Variants in SLX4IP observed in about 807,000 individuals in gnomAD.
The protein encoded by SLX4IP is protein SLX4IP.
Under a neutral mutation model 32.9 loss-of-function variants are expected in SLX4IP, and 34 were observed. That is an observed-to-expected ratio of 1.03 (90% confidence interval 0.79 to 1.38). The LOEUF (loss-of-function observed/expected upper bound fraction) is 1.38, where lower values mean the gene tolerates loss of function less well. Among genes scored for constraint, SLX4IP ranks in the 40% most tolerant of loss-of-function variants. SLX4IP has a pLI of 0.00. For synonymous variants in SLX4IP, 172 were observed against 171.7 expected (o/e 1.00, Z -0.01); for missense variants, 444 against 479.0 (o/e 0.93, Z 0.68).
intron 4 of SLX4IP, among the ~76,000 whole-genome samples, chr20:10,598,235 A>G (rs2066796768): frequency 6.6e-6 from 1 of 152,176 alleles, no homozygotes; most frequent in African/African-American, 2.4e-5. Flanking sequence ...GCCTCTCAAG[A>G]GAAGCCCTCT....
At chr20:10,593,530 T>C (rs747041268) in intron 4 of SLX4IP, among the ~76,000 whole-genome samples, 4 of 151,320 alleles carry the variant, frequency 2.6e-5, no homozygotes, top group Non-Finnish European at 4.4e-5. Context: ...AGCCCAGGAG[T>C]TCAAGACTAA....
At chr20:10,581,865 T>A (rs1001101409) in intron 4 of SLX4IP, among the ~76,000 whole-genome samples, 5 of 152,132 alleles carry the variant, frequency 3.3e-5, no homozygotes, top group Non-Finnish European at 4.4e-5. Context: ...GATGCTGCAG[T>A]GAGCTATGAT....
intron 4 of SLX4IP, among the ~76,000 whole-genome samples, chr20:10,567,754 A>G (rs613394): frequency 0.55 from 83,790 of 152,062 alleles, 23,553 homozygotes; most frequent in South Asian, 0.72. Flanking sequence ...GTGAATCAGT[A>G]TATATTTGTT....
chr20:10,622,324 A>G (rs1371955875), intron 7 of SLX4IP, among the ~76,000 whole-genome samples: 2 of 152,232 alleles, frequency 1.3e-5, no homozygotes, highest in African/African-American at 4.8e-5. Context: ...CTCCTGGAAA[A>G]AAAAAATCAG....
At chr20:10,586,994 A>T (rs2066653637) in intron 4 of SLX4IP, among the ~76,000 whole-genome samples, 1 of 152,128 alleles carries the variant, frequency 6.6e-6, no homozygotes, top group Non-Finnish European at 1.5e-5. Flanking sequence ...GTACTTGAAT[A>T]AATGTTAACA....
chr20:10,582,294 T>G (rs1032831535), intron 4 of SLX4IP, among the ~76,000 whole-genome samples: 1 of 152,144 alleles, frequency 6.6e-6, no homozygotes, highest in African/African-American at 2.4e-5. Flanking sequence ...GTCAGTCTGT[T>G]TGTTTCCTAC....
intron 2 of SLX4IP, among the ~76,000 whole-genome samples, chr20:10,501,737 TC>T (rs200168390): frequency 6.9e-6 from 1 of 144,502 alleles, no homozygotes; most frequent in Non-Finnish European, 1.6e-5. Flanking sequence ...CTTAAAGCAG[TC>T]TGGTGGTGAA....
Position 10,568,134 on chromosome 20 carries a change from G to A in SLX4IP, c.238+7314G>A, listed in dbSNP as rs141570551. Among the ~76,000 whole-genome samples the A allele has an allele frequency of 6.8e-3, 1,040 of 152,290 alleles. 10 individuals are homozygous for A. Among genetic ancestry groups the A allele is most frequent in the Non-Finnish European group, 6.4e-3 (436 of 68,026 alleles). The stretch of plus-strand genomic sequence containing the variant: ...ATTGTACATTCAGAAACTGTATTTT[G>A]AAAGGCTTTATCTGTCACCATCTGA... On this transcript the variant is annotated intron_variant, in intron 4 of 7. Transcript: ENST00000334534.
At chr20:10,469,529 T>C (rs2065406704) in intron 2 of SLX4IP, among the ~76,000 whole-genome samples, 1 of 152,254 alleles carries the variant, frequency 6.6e-6, no homozygotes, top group Non-Finnish European at 1.5e-5. Context: ...AATAATTTCT[T>C]AGTGTTAGAC....
At chr20:10,473,123 G>GA (rs1250922493) in intron 2 of SLX4IP, among the ~76,000 whole-genome samples, 2 of 152,276 alleles carry the variant, frequency 1.3e-5, no homozygotes, top group Admixed American at 1.3e-4. Context: ...TTGTCTGGAA[G>GA]AAAAAAATAG....
chr20:10,497,151 G>A (rs1247337151), intron 2 of SLX4IP, among the ~76,000 whole-genome samples: 5 of 151,954 alleles, frequency 3.3e-5, no homozygotes, highest in Non-Finnish European at 5.9e-5. Flanking sequence ...TTTTAATGAG[G>A]GACTGTGGGA....
chr20:10,474,520 A>G (rs225149), intron 2 of SLX4IP, among the ~76,000 whole-genome samples: 130,872 of 152,130 alleles, frequency 0.86, 56,426 homozygotes, highest in Middle Eastern at 0.89. Context: ...TACTTTAGGT[A>G]TTGATGTCCT....
intron 1 of SLX4IP, among the ~76,000 whole-genome samples, chr20:10,453,545 A>T (rs939185736): frequency 2.0e-5 from 3 of 152,124 alleles, no homozygotes; most frequent in African/African-American, 7.2e-5. Context: ...CTGAGAAAAA[A>T]TACATGAAAC....
At chr20:10,501,609 C>A (rs188180074) in intron 2 of SLX4IP, among the ~76,000 whole-genome samples, 4 of 152,370 alleles carry the variant, frequency 2.6e-5, no homozygotes, top group East Asian at 1.9e-4. Context: ...GTTGCCACCC[C>A]ACTTGGTTCT....
chr20:10,470,575 C>A (rs1483288599), intron 2 of SLX4IP, among the ~76,000 whole-genome samples: 3 of 152,164 alleles, frequency 2.0e-5, no homozygotes, highest in African/African-American at 7.2e-5. Flanking sequence ...TTAATAGTTA[C>A]CTTAAACACT....
chr20:10,446,070 C>CA (rs2065200222), intron 1 of SLX4IP, among the ~76,000 whole-genome samples: 2 of 151,300 alleles, frequency 1.3e-5, no homozygotes, highest in Admixed American at 6.6e-5. Context: ...TAACCATTCA[C>CA]ACGTTGAAGG....
At chr20:10,497,319 A>G (rs1324172068) in intron 2 of SLX4IP, among the ~76,000 whole-genome samples, 1 of 152,168 alleles carries the variant, frequency 6.6e-6, no homozygotes, top group African/African-American at 2.4e-5. Flanking sequence ...TTTTCTGTAG[A>G]TGAGACATCT....
At chr20:10,553,353 A>G (rs1050576076) in intron 2 of SLX4IP, among the ~76,000 whole-genome samples, 7 of 152,188 alleles carry the variant, frequency 4.6e-5, no homozygotes, top group Admixed American at 3.9e-4. Context: ...CTATGTCTCA[A>G]ATTTTTCTTT....
intron 6 of SLX4IP, among the ~76,000 whole-genome samples, chr20:10,618,246 C>G (rs2067062444): frequency 6.6e-6 from 1 of 152,160 alleles, no homozygotes; most frequent in Non-Finnish European, 1.5e-5. Flanking sequence ...GATCCCTTGC[C>G]TTGTGGCCTG....
Sources: gnomAD v4.1 joint callset for allele counts (sites outside exome capture counted in the v4.1 genomes callset) on GRCh38, gnomAD v4.1.1 for gene constraint, MANE v1.5 for transcripts, NCBI Gene and HGNC (gene_info 2026-07-23, HGNC 2026-07-21) for gene names.